SYDE2: variants seen among roughly 807,000 people sequenced by gnomAD.
The protein encoded by SYDE2 is rho GTPase-activating protein SYDE2.
Under a neutral mutation model 91.5 loss-of-function variants are expected in SYDE2, and 76 were observed. That is an observed-to-expected ratio of 0.83 (90% CI 0.69 to 1.01). The LOEUF is 1.01. SYDE2 is among the 50% of genes least tolerant of loss of function. SYDE2 has a pLI of 0.00. For synonymous variants in SYDE2, 513 were observed against 506.4 expected (o/e 1.01, Z -0.18); for missense variants, 1,364 against 1,367.7 (o/e 1.00, Z 0.04).
intron 1 of SYDE2, chr1:85,194,919 G>A (rs1367055661): frequency 1.5e-6 from 1 of 664,220 alleles, no homozygotes; most frequent in Non-Finnish European, 1.9e-6. Context: ...CCAGCACTTT[G>A]GGAGGCCAAG....
At position 85,169,104 on chromosome 1, in the gene SYDE2, A is replaced by G. The variant is rs749640333; in HGVS notation, c.2793T>C (p.Asn931=). The G allele has an allele frequency of 5.0e-6, 8 of 1,613,950 alleles. No homozygotes were observed. Among genetic ancestry groups the G allele is most frequent in the Non-Finnish European group, 6.8e-6 (8 of 1,179,832 alleles). The change falls in exon 5 of 7, where the codon AAT becomes AAC. Residue 931 remains asparagine, a synonymous_variant. Transcript: ENST00000341460. ...CAGTGTACTTAGAGTCACCTGGGTC[A>G]TTCTCACAACCATTTGATGACATTT... ...PLKMSSNGCE[N]DPGDSKYTVD...
At chr1:85,161,307 TAA>T (rs1657048602) in intron 6 of SYDE2, among the ~76,000 whole-genome samples, 2 of 152,184 alleles carry the variant, frequency 1.3e-5, no homozygotes, top group African/African-American at 4.8e-5. Context: ...CCTGGGAATA[TAA>T]AGTTAAAAAG....
intron 4 of SYDE2, among the ~76,000 whole-genome samples, chr1:85,177,754 A>G (rs1657755731): frequency 6.6e-6 from 1 of 152,148 alleles, no homozygotes; most frequent in South Asian, 2.1e-4. Flanking sequence ...TCCCCCACTC[A>G]AAAAATCTTA....
At position 85,172,887 on chromosome 1, in the gene SYDE2, G is replaced by C. The variant is rs1657553145; in HGVS notation, c.2672-3662C>G. ...TGAGTACTAATCAGCACACGCAGGT[G>C]GGGCAACTCCCCAAGGCTGGAGAAA... On this transcript the variant is annotated intron_variant, in intron 4 of 6. Coordinates refer to ENST00000341460, the MANE Select transcript of SYDE2 (RefSeq NM_032184.2). Among the ~76,000 whole-genome samples, 3 of 152,126 alleles carry C rather than the reference G, an allele frequency of 2.0e-5. No individual in the cohort carries two copies. The East Asian group carries it at 5.8e-4, about 29-fold the overall frequency.
chr1:85,167,255 G>C lies in SYDE2; in HGVS notation c.2853+1789C>G, dbSNP rs1282417047. ...ACCAGAAAAAAAAAGAAGAAAATTA[G>C]TATGCAAACATATAAGGGCCTTAAA... On this transcript the variant is annotated intron_variant, in intron 5 of 6. Coordinates refer to ENST00000341460, the MANE Select transcript of SYDE2 (RefSeq NM_032184.2). Among the ~76,000 whole-genome samples the C allele has an allele frequency of 2.7e-5, 4 of 149,048 alleles. No homozygotes were observed. The East Asian group carries it at 7.8e-4, about 29-fold the overall frequency.
At chr1:85,163,477 ATAT>A (rs1657150805) in intron 6 of SYDE2, among the ~76,000 whole-genome samples, 2 of 141,112 alleles carry the variant, frequency 1.4e-5, no homozygotes, top group East Asian at 2.0e-4. Flanking sequence ...ATATATATAT[ATAT>A]AACAAAAGAG....
chr1:85,170,114 C>CTTT lies in SYDE2; in HGVS notation c.2672-892_2672-890dup, dbSNP rs5775829. Among the ~76,000 whole-genome samples, 417 of 131,240 alleles carry CTTT rather than the reference C, an allele frequency of 3.2e-3. 2 individuals carry two copies. Among genetic ancestry groups the CTTT allele is most frequent in the African/African-American group, 0.011 (399 of 34,762 alleles). The allele number at this position is 131,240 out of a possible 152,430, so 86.1% of individuals were successfully genotyped here. A position where few individuals can be genotyped will look rare whatever the true frequency, so the allele number is the denominator to read the frequency against. ...TGATTCTATACGAAGCTTCCCATCT[C>CTTT]TTTTTTTTTTTTTTTTTTAATTGTG... On this transcript the variant is annotated intron_variant, in intron 4 of 6. Coordinates refer to ENST00000341460, the MANE Select transcript of SYDE2 (RefSeq NM_032184.2).
intron 2 of SYDE2, among the ~76,000 whole-genome samples, chr1:85,183,616 T>C (rs775008836): frequency 1.3e-4 from 20 of 152,128 alleles, no homozygotes; most frequent in Non-Finnish European, 2.6e-4. Context: ...AGTTTCTTTA[T>C]AGAGAAAAAA....
chr1:85,195,520 A>C lies in SYDE2; in HGVS notation c.745+4732T>G, dbSNP rs989771391. 2.1e-4 allele frequency among the ~76,000 whole-genome samples: 32 copies of C among 152,210 alleles called. No individual in the cohort carries two copies. In the Middle Eastern group the frequency reaches 0.01, roughly 49 times the overall value. On this transcript the variant is annotated intron_variant, in intron 1 of 6. Transcript: ENST00000341460. Reference sequence around the variant, plus strand: ...GAGAGGGATGGAATGAAAAGGAAAGAAGCACCTTTTTTATTTTCATTCCCT... The same window carrying C: ...GAGAGGGATGGAATGAAAAGGAAAGCAGCACCTTTTTTATTTTCATTCCCT...
chr1:85,193,935 C>G (rs1450571777), intron 1 of SYDE2, among the ~76,000 whole-genome samples: 4 of 152,078 alleles, frequency 2.6e-5, no homozygotes, highest in Admixed American at 6.6e-5. Context: ...CCACTATTTT[C>G]AATGAAATTA....
intron 2 of SYDE2, among the ~76,000 whole-genome samples, chr1:85,188,322 A>T (rs990156280): frequency 6.6e-6 from 1 of 152,214 alleles, no homozygotes; most frequent in African/African-American, 2.4e-5. Flanking sequence ...AAAAAATTTA[A>T]TTACCTTCAA....
chr1:85,184,876 G>A (rs1208068086), intron 2 of SYDE2, among the ~76,000 whole-genome samples: 13 of 142,320 alleles, frequency 9.1e-5, no homozygotes, highest in South Asian at 4.2e-4. Context: ...GAGATACCCC[G>A]TCTTAAAAAA....
chr1:85,200,992 T>G lies in SYDE2; in HGVS notation c.5A>C (p.His2Pro). Residue 2 changes from histidine (H) to proline (P), a missense_variant, in exon 1 of 7, where the codon CAC becomes CCC. Transcript: ENST00000341460. M[H>P]DLPPDSGARR... ...CGCGCCCGAGTCAGGGGGCAGGTCG[T>G]GCATGGCCTGGATCAGCAGATAATA... 7.7e-7 allele frequency: 1 copy of G among 1,302,276 alleles called. No homozygotes were observed. 80.7% of individuals were successfully genotyped at this position (1,302,276 alleles called of 1,614,324 possible). A position where few individuals can be genotyped will look rare whatever the true frequency, so the allele number is the denominator to read the frequency against.
chr1:85,154,051 A>G (rs1212731983), downstream of SYDE2: 3 of 152,164 alleles, frequency 2.0e-5, no homozygotes, highest in African/African-American at 7.2e-5. Flanking sequence ...TGTTTATCAC[A>G]TATGACCCTT....
At chr1:85,183,886 ACT>A (rs940434607) in intron 2 of SYDE2, among the ~76,000 whole-genome samples, 5 of 152,076 alleles carry the variant, frequency 3.3e-5, no homozygotes, top group African/African-American at 4.8e-5. Flanking sequence ...AAAAAAACTG[ACT>A]CTTTTTACAT....
At chr1:85,163,162 A>G (rs895188966) in intron 6 of SYDE2, among the ~76,000 whole-genome samples, 65 of 148,708 alleles carry the variant, frequency 4.4e-4, no homozygotes, top group Middle Eastern at 7.0e-3. Context: ...GCTAGAGTGC[A>G]CTTCCGCAAT....
intron 3 of SYDE2, 31 bp downstream of exon 3, chr1:85,182,067 G>T: frequency 6.6e-7 from 1 of 1,524,106 alleles, no homozygotes; most frequent in Non-Finnish European, 8.8e-7. Flanking sequence ...ATCAATAAAG[G>T]AAGTAGTAGG....
chr1:85,196,622 A>C (rs1658596823), intron 1 of SYDE2, among the ~76,000 whole-genome samples: 1 of 152,044 alleles, frequency 6.6e-6, no homozygotes, highest in Non-Finnish European at 1.5e-5. Flanking sequence ...AAAAAAAAGC[A>C]ACTGCACTTG....
In SYDE2 at chr1:85,159,165, T is replaced by C; in HGVS notation, c.3170A>G (p.Glu1057Gly). Reference sequence around the variant, plus strand: ...ACTCAAATTTAACATATGAGGTCGTTCTTTCTTCTGCCTCAGATAATTCAG... The same window carrying C: ...ACTCAAATTTAACATATGAGGTCGTCCTTTCTTCTGCCTCAGATAATTCAG... ...SSLNYLRQKK[E>G]RPHMLNLSGT... Residue 1057 changes from glutamate (E) to glycine (G), a missense_variant, in exon 7 of 7, where the codon GAA becomes GGA. By Grantham distance (98) the Glu-to-Gly change is moderately conservative. Transcript: ENST00000341460. The C allele has an allele frequency of 1.3e-6, 1 of 780,842 alleles. No homozygotes were observed. Among genetic ancestry groups the C allele is most frequent in the Non-Finnish European group, 2.4e-6 (1 of 417,972 alleles). The allele number at this position is 780,842 out of a possible 1,614,324, so 48.4% of individuals were successfully genotyped here. A position where few individuals can be genotyped will look rare whatever the true frequency, so the allele number is the denominator to read the frequency against.
Sources: allele counts gnomAD v4.1 joint callset (sites outside exome capture counted in the v4.1 genomes callset), GRCh38; gene constraint gnomAD v4.1.1; transcripts MANE v1.5; gene names NCBI Gene and HGNC (gene_info 2026-07-23, HGNC 2026-07-21).